Variants in SLC35F1 observed in about 807,000 individuals in gnomAD.
SLC35F1 encodes the protein solute carrier family 35 member F1.
SLC35F1 carries 14 observed loss-of-function variants against 48.7 expected under a neutral mutation model. That is an observed-to-expected ratio of 0.29 (90% CI 0.19 to 0.45). The LOEUF (loss-of-function observed/expected upper bound fraction) is 0.45, where lower values mean the gene tolerates loss of function less well. Ranked by LOEUF, SLC35F1 falls within the 20% of genes least tolerant of loss-of-function variation. The probability of loss-of-function intolerance (pLI) is 1.00; values close to 1 mark genes in which losing one functional copy is unlikely to be tolerated. For missense variants in SLC35F1, 404 were observed against 500.0 expected, an observed-to-expected ratio of 0.81 and a Z score of 1.83; for synonymous variants, 190 against 202.2, an observed-to-expected ratio of 0.94 and a Z score of 0.51.
chr6:118,311,218 T>A (rs923798077), intron 7 of SLC35F1, among the ~76,000 whole-genome samples: 3 of 152,236 alleles, frequency 2.0e-5, no homozygotes, highest in African/African-American at 7.2e-5. Flanking sequence ...GATTGTAGAT[T>A]CATACTATGA....
At chr6:117,995,888 A>G (rs987756671) in intron 1 of SLC35F1, among the ~76,000 whole-genome samples, 3 of 152,254 alleles carry the variant, frequency 2.0e-5, no homozygotes, top group African/African-American at 7.2e-5. Flanking sequence ...AGTATTCTTT[A>G]TTTGAAAGTG....
At chr6:117,960,570 G>A (rs1204347631) in intron 1 of SLC35F1, among the ~76,000 whole-genome samples, 4 of 152,090 alleles carry the variant, frequency 2.6e-5, no homozygotes, top group Non-Finnish European at 4.4e-5. Flanking sequence ...CTAAAGCTGG[G>A]TAGATTTATC....
intron 1 of SLC35F1, among the ~76,000 whole-genome samples, chr6:118,056,577 A>G (rs181424231): frequency 6.6e-5 from 10 of 152,334 alleles, no homozygotes; most frequent in African/African-American, 1.9e-4. Flanking sequence ...GATAGAGGCC[A>G]GACAGTTCTT....
intron 1 of SLC35F1, among the ~76,000 whole-genome samples, chr6:117,929,294 T>G (rs951551928): frequency 1.3e-5 from 2 of 152,114 alleles, no homozygotes; most frequent in African/African-American, 2.4e-5. Flanking sequence ...CAATACTCAT[T>G]GTCTCAGTGA....
At chr6:118,253,309 A>C (rs925365229) in intron 3 of SLC35F1, among the ~76,000 whole-genome samples, 7 of 152,158 alleles carry the variant, frequency 4.6e-5, no homozygotes, top group African/African-American at 1.7e-4. Context: ...AAAAGAAGGA[A>C]GGAGTGTCAG....
chr6:118,271,995 T>A (rs1395006694), intron 4 of SLC35F1, among the ~76,000 whole-genome samples: 2 of 152,222 alleles, frequency 1.3e-5, no homozygotes, highest in African/African-American at 4.8e-5. Context: ...ACACAGGTAG[T>A]AAGTGATAGA....
chr6:118,176,328 C>A (rs1391131435), intron 2 of SLC35F1, among the ~76,000 whole-genome samples: 2 of 152,044 alleles, frequency 1.3e-5, no homozygotes, highest in African/African-American at 4.8e-5. Context: ...CACTTCTCTG[C>A]TGATCAGATT....
At chr6:117,989,705 C>G (rs889001119) in intron 1 of SLC35F1, among the ~76,000 whole-genome samples, 2 of 152,012 alleles carry the variant, frequency 1.3e-5, no homozygotes, top group African/African-American at 4.8e-5. Flanking sequence ...GGATTTAATT[C>G]ATTTTTTCAG....
chr6:117,999,301 T>A, intron 1 of SLC35F1: 2 of 1,596,098 alleles, frequency 1.3e-6, no homozygotes, highest in Non-Finnish European at 1.7e-6. Flanking sequence ...AGCGTGCTCT[T>A]GCCCGTATTG....
chr6:118,112,091 C>A (rs1376050842), intron 1 of SLC35F1, among the ~76,000 whole-genome samples: 16 of 24,350 alleles, frequency 6.6e-4, no homozygotes, highest in South Asian at 2.4e-3. Flanking sequence ...TCTTTCTTTT[C>A]TTTTCTTTTC....
intron 1 of SLC35F1, among the ~76,000 whole-genome samples, chr6:117,976,724 T>C (rs565108720): frequency 3.8e-4 from 58 of 152,294 alleles, no homozygotes; most frequent in African/African-American, 1.4e-3. Context: ...TTTTCTCCCC[T>C]GATTTCAAAA....
chr6:118,256,939 T>C (rs1258840538), intron 3 of SLC35F1, among the ~76,000 whole-genome samples: 2 of 152,212 alleles, frequency 1.3e-5, no homozygotes, highest in African/African-American at 4.8e-5. Flanking sequence ...TAACATTTTA[T>C]TCTTATAGAT....
intron 1 of SLC35F1, among the ~76,000 whole-genome samples, chr6:118,083,277 GT>G (rs1182916411): frequency 3.3e-5 from 5 of 152,162 alleles, no homozygotes; most frequent in Admixed American, 2.6e-4. Context: ...GTAAACAAAT[GT>G]TTGGACAGAT....
chr6:117,911,475 G>T (rs1775763173), intron 1 of SLC35F1, among the ~76,000 whole-genome samples: 1 of 140,746 alleles, frequency 7.1e-6, no homozygotes, highest in African/African-American at 2.7e-5. Context: ...TTGGTCTGTT[G>T]CCCAGGCTGG....
chr6:117,996,505 T>C (rs1220060887), intron 1 of SLC35F1, among the ~76,000 whole-genome samples: 1 of 152,136 alleles, frequency 6.6e-6, no homozygotes, highest in Non-Finnish European at 1.5e-5. Flanking sequence ...CCCTGATCCC[T>C]GAGCAGCCTA....
chr6:117,912,467 A>G (rs545883321), intron 1 of SLC35F1, among the ~76,000 whole-genome samples: 3 of 152,326 alleles, frequency 2.0e-5, no homozygotes, highest in Non-Finnish European at 2.9e-5. Flanking sequence ...TATTCCATAC[A>G]GTTGGTGGAA....
chr6:118,249,887 G>C (rs568325752), intron 3 of SLC35F1, among the ~76,000 whole-genome samples: 45 of 152,212 alleles, frequency 3.0e-4, no homozygotes, highest in African/African-American at 1.1e-3. Flanking sequence ...TAGGAGCTGT[G>C]ACACCATCTG....
intron 1 of SLC35F1, among the ~76,000 whole-genome samples, chr6:118,015,851 G>A (rs572836687): frequency 3.9e-4 from 59 of 152,178 alleles, no homozygotes; most frequent in African/African-American, 1.4e-3. Flanking sequence ...AGCTCCTTAA[G>A]GACAAGGACT....
chr6:117,979,203 G>A (rs1776743703), intron 1 of SLC35F1, among the ~76,000 whole-genome samples: 1 of 152,162 alleles, frequency 6.6e-6, no homozygotes, highest in African/African-American at 2.4e-5. Flanking sequence ...ACCTTGCTTG[G>A]ACATCACCTC....
Sources: allele counts gnomAD v4.1 joint callset (sites outside exome capture counted in the v4.1 genomes callset), GRCh38; gene constraint gnomAD v4.1.1; transcripts MANE v1.5; gene names NCBI Gene and HGNC (gene_info 2026-07-23, HGNC 2026-07-21).